Variants in IPO11 observed in about 807,000 individuals in gnomAD.
The protein encoded by IPO11 is importin 11.
Under a neutral mutation model 143.2 loss-of-function variants are expected in IPO11, and 66 were observed. The ratio of observed to expected loss-of-function variants is 0.46; its 90% confidence interval spans 0.38 to 0.57. The LOEUF (loss-of-function observed/expected upper bound fraction) is 0.57, where lower values mean the gene tolerates loss of function less well. Ranked by LOEUF, IPO11 falls within the 20% of genes least tolerant of loss-of-function variation. The pLI, the probability that IPO11 is intolerant of heterozygous loss-of-function variation, is 0.00. For missense variants in IPO11, 1,026 were observed against 1,141.0 expected, an observed-to-expected ratio of 0.90 and a Z score of 1.45; for synonymous variants, 385 against 377.8, an observed-to-expected ratio of 1.02 and a Z score of -0.22.
intron 24 of IPO11, among the ~76,000 whole-genome samples, chr5:62,545,014 C>T (rs1233562042): frequency 3.9e-5 from 6 of 152,072 alleles, no homozygotes; most frequent in African/African-American, 1.4e-4. Context: ...TGAAAATGGC[C>T]ATACTATCCA....
At chr5:62,500,853 C>T (rs1412395582) in intron 16 of IPO11, among the ~76,000 whole-genome samples, 2 of 152,176 alleles carry the variant, frequency 1.3e-5, no homozygotes, top group Non-Finnish European at 2.9e-5. Context: ...TTTACACCAG[C>T]ATCACCGCAA....
At chr5:62,592,635 G>T (rs1245696629) in intron 28 of IPO11, among the ~76,000 whole-genome samples, 1 of 152,160 alleles carries the variant, frequency 6.6e-6, no homozygotes, top group East Asian at 1.9e-4. Context: ...AAGGAAAGAG[G>T]TTTAATTTAA....
At chr5:62,592,263 T>C (rs1309157053) in intron 28 of IPO11, among the ~76,000 whole-genome samples, 2 of 152,232 alleles carry the variant, frequency 1.3e-5, no homozygotes, top group Non-Finnish European at 2.9e-5. Flanking sequence ...ATAAGTCTTT[T>C]TCCTAGTATG....
intron 1 of IPO11, among the ~76,000 whole-genome samples, chr5:62,435,921 G>C (rs1744213406): frequency 6.6e-6 from 1 of 151,804 alleles, no homozygotes; most frequent in Middle Eastern, 3.2e-3. Context: ...CCCAAATACT[G>C]GGGAGGCTGA....
At chr5:62,453,609 G>C (rs573357911) in intron 5 of IPO11, among the ~76,000 whole-genome samples, 1 of 152,218 alleles carries the variant, frequency 6.6e-6, no homozygotes, top group East Asian at 1.9e-4. Flanking sequence ...TAGGGAAGGG[G>C]GTGGGAAAAG....
At chr5:62,472,128 C>G (rs955559826) in intron 7 of IPO11, among the ~76,000 whole-genome samples, 1 of 152,126 alleles carries the variant, frequency 6.6e-6, no homozygotes, top group Non-Finnish European at 1.5e-5. Context: ...TTGTTTTATT[C>G]GCTGTGACTC....
chr5:62,425,661 G>C (rs1179962145), intron 1 of IPO11, among the ~76,000 whole-genome samples: 1 of 152,210 alleles, frequency 6.6e-6, no homozygotes, highest in Non-Finnish European at 1.5e-5. Flanking sequence ...AGAAACAATA[G>C]TACATTATCC....
chr5:62,612,835 C>A (rs1414375454), intron 29 of IPO11, among the ~76,000 whole-genome samples: 2 of 152,192 alleles, frequency 1.3e-5, no homozygotes, highest in Non-Finnish European at 2.9e-5. Context: ...AGATTGTTTC[C>A]ATTTTTCAGT....
chr5:62,602,494 C>T (rs186643220), intron 29 of IPO11, among the ~76,000 whole-genome samples: 231 of 152,162 alleles, frequency 1.5e-3, no homozygotes, highest in Non-Finnish European at 2.7e-3. Context: ...ATTTAACTAA[C>T]TTTATTATAC....
chr5:62,419,436 A>G lies in IPO11; in HGVS notation c.-7+6507A>G, dbSNP rs559071991. Among the ~76,000 whole-genome samples the G allele has an allele frequency of 1.7e-4, 26 of 152,340 alleles. No homozygotes were observed. The East Asian group carries it at 2.5e-3, about 15-fold the overall frequency. ...AACACTTAGCTTAAAACACAAATAC[A>G]TTGTGTAGTTCTACGTTGTTTAAAA... On this transcript the variant is annotated intron_variant, in intron 1 of 29. Transcript: ENST00000325324.
chr5:62,593,612 A>G (rs763468466), intron 28 of IPO11, among the ~76,000 whole-genome samples: 9 of 152,210 alleles, frequency 5.9e-5, no homozygotes, highest in Admixed American at 5.9e-4. Context: ...GGAAGAGGGA[A>G]TATGTTGGAA....
chr5:62,572,929 T>C (rs918380155), intron 27 of IPO11, among the ~76,000 whole-genome samples: 5 of 152,202 alleles, frequency 3.3e-5, no homozygotes, highest in African/African-American at 1.2e-4. Context: ...CACTGCACAT[T>C]GTTCATTTTT....
intron 7 of IPO11, among the ~76,000 whole-genome samples, chr5:62,472,047 C>T (rs549203396): frequency 9.9e-5 from 15 of 152,264 alleles, no homozygotes; most frequent in Admixed American, 2.0e-4. Flanking sequence ...AAAAGATTTT[C>T]GAGAAACCAA....
chr5:62,547,131 T>C (rs1181738106), intron 24 of IPO11, among the ~76,000 whole-genome samples: 1 of 152,176 alleles, frequency 6.6e-6, no homozygotes, highest in Admixed American at 6.6e-5. Context: ...ATACATAGTA[T>C]TTCACATGTA....
intron 28 of IPO11, among the ~76,000 whole-genome samples, chr5:62,596,562 A>T (rs1373627233): frequency 6.6e-6 from 1 of 152,120 alleles, no homozygotes; most frequent in Non-Finnish European, 1.5e-5. Context: ...ACAGCCTGGG[A>T]TTCTAAAAGT....
chr5:62,481,911 T>C (rs1746227199), intron 9 of IPO11, among the ~76,000 whole-genome samples: 1 of 152,168 alleles, frequency 6.6e-6, no homozygotes. Context: ...TGTGAATCTG[T>C]TTGGTCTGGG....
chr5:62,454,690 A>G (rs1745064161), intron 5 of IPO11, among the ~76,000 whole-genome samples: 1 of 152,180 alleles, frequency 6.6e-6, no homozygotes, highest in African/African-American at 2.4e-5. Context: ...CTTTCAGTGT[A>G]GTAGTTACCA....
At chr5:62,580,173 C>G (rs1263614565) in intron 27 of IPO11, 12 of 1,551,008 alleles carry the variant, frequency 7.7e-6, no homozygotes, top group Middle Eastern at 3.3e-4. Context: ...CAATACAGCC[C>G]TTTGCATTTA....
chr5:62,447,482 A>G (rs1356628243), intron 3 of IPO11, among the ~76,000 whole-genome samples: 1 of 151,934 alleles, frequency 6.6e-6, no homozygotes, highest in Non-Finnish European at 1.5e-5. Flanking sequence ...TTCCTTTTCT[A>G]TTTTAGGTGT....
Sources: allele counts gnomAD v4.1 joint callset (sites outside exome capture counted in the v4.1 genomes callset), GRCh38; gene constraint gnomAD v4.1.1; transcripts MANE v1.5; gene names NCBI Gene and HGNC (gene_info 2026-07-23, HGNC 2026-07-21).